The following SLC39A6 variants were observed in gnomAD, a reference collection of about 807,000 sequenced individuals.
The protein encoded by SLC39A6 is solute carrier family 39 member 6, also known as zinc transporter ZIP6.
A neutral mutation model predicts 63.5 loss-of-function variants in SLC39A6; 51 were observed. That is an observed-to-expected ratio of 0.80 (90% CI 0.64 to 1.01). The LOEUF is 1.01. Ranked by LOEUF, SLC39A6 falls within the 50% of genes least tolerant of loss-of-function variation. SLC39A6 has a pLI of 0.00. For missense variants in SLC39A6, 805 were observed against 927.8 expected (o/e 0.87, Z 1.72); for synonymous variants, 318 against 324.7 (o/e 0.98, Z 0.22).
intron 7 of SLC39A6, 137 bp downstream of exon 7, chr18:36,113,960 A>C: frequency 8.5e-7 from 1 of 1,173,204 alleles, no homozygotes; most frequent in Non-Finnish European, 1.1e-6. Flanking sequence ...TAGTAAAAGA[A>C]AAAGTAACAT....
In SLC39A6 at chr18:36,126,302, C is replaced by G. The variant is rs754177074; in HGVS notation, c.706G>C (p.Ala236Pro). 1.2e-6 allele frequency: 2 copies of G among 1,614,154 alleles called. No homozygotes were observed. The highest frequency in any genetic ancestry group is 1.6e-4 in the Middle Eastern group (1 of 6,084). ...VTSKSRVSRLAGRKTNESVSE... is the reference protein window; with the variant it reads ...VTSKSRVSRLPGRKTNESVSE... Reference sequence around the variant, plus strand: ...ACAGATTCATTTGTTTTCCTACCAGCCAGCCGGCTCACCCGGCTCTTTGAT... The same window carrying G: ...ACAGATTCATTTGTTTTCCTACCAGGCAGCCGGCTCACCCGGCTCTTTGAT... The change falls in exon 2 of 10, where the codon GCT becomes CCT. Residue 236 changes from alanine (A) to proline (P), a missense_variant. This residue lies in a region of SLC39A6 where 639 missense variants were observed against 644.0 expected (regional missense o/e 0.99). Coordinates refer to ENST00000269187, the MANE Select transcript of SLC39A6 (RefSeq NM_012319.4).
intron 7 of SLC39A6, 33 bp downstream of exon 7, chr18:36,114,060 GAATC>G (rs1434175972): frequency 6.5e-7 from 1 of 1,526,738 alleles, no homozygotes; most frequent in African/African-American, 1.4e-5. Flanking sequence ...GACATTTTCA[GAATC>G]AATCAACAAG....
At position 36,116,688 on chromosome 18, in the gene SLC39A6, A is replaced by G. The variant is rs770213820; in HGVS notation, c.1451T>C (p.Val484Ala). ...ESQLSTNEEK[V>A]DTDDRTEGYL... The stretch of plus-strand genomic sequence containing the variant: ...TAAGAACTTACGATCATCTGTATCT[A>G]CTTTCTCCTCATTTGTTGAAAGTTG... The change falls in exon 6 of 10, where the codon GTA becomes GCA. Residue 484 changes from valine to alanine, a missense_variant. Val to Ala is a moderately conservative substitution (Grantham distance 64, BLOSUM62 0). Transcript: ENST00000269187. 33 of 1,608,354 alleles carry G rather than the reference A, an allele frequency of 2.1e-5. No individual in the cohort carries two copies. The highest frequency in any genetic ancestry group is 4.0e-5 in the African/African-American group (3 of 74,798).
At position 36,109,035 on chromosome 18, in the gene SLC39A6, G is replaced by C. The variant is rs1409744063; in HGVS notation, c.*558C>G. ...AATAATCCTGACAAAAATGTTTAAT[G>C]AATGTACTCTATACTAATTCTGCCT... On this transcript the variant is annotated 3_prime_UTR_variant, in exon 10 of 10. Transcript: ENST00000269187. 6.6e-6 allele frequency: 1 copy of C among 152,140 alleles called. No individual in the cohort carries two copies. The highest frequency in any genetic ancestry group is 2.4e-5 in the African/African-American group (1 of 41,446). 9.4% of individuals were successfully genotyped at this position (152,140 alleles called of 1,614,324 possible).
chr18:36,120,153 G>A (rs1041579710), intron 5 of SLC39A6, among the ~76,000 whole-genome samples: 3 of 151,964 alleles, frequency 2.0e-5, no homozygotes, highest in Non-Finnish European at 4.4e-5. Context: ...ATGATACATG[G>A]GATCTCCCAG....
intron 5 of SLC39A6, among the ~76,000 whole-genome samples, chr18:36,121,008 T>C (rs2089389061): frequency 6.6e-6 from 1 of 152,000 alleles, no homozygotes; most frequent in South Asian, 2.1e-4. Context: ...TGAAGCAGCA[T>C]GGCTGATAAA....
intron 4 of SLC39A6, among the ~76,000 whole-genome samples, chr18:36,123,241 C>G (rs1327414682): frequency 1.3e-5 from 2 of 152,196 alleles, no homozygotes; most frequent in East Asian, 3.8e-4. Context: ...AATAGCCAGG[C>G]AGAATTTGTC....
At chr18:36,110,232 A>C (rs186446111) in intron 9 of SLC39A6, among the ~76,000 whole-genome samples, 39 of 152,156 alleles carry the variant, frequency 2.6e-4, no homozygotes, top group African/African-American at 8.4e-4. Context: ...AAAAGATATG[A>C]CTCCTTTGTT....
intron 6 of SLC39A6, among the ~76,000 whole-genome samples, chr18:36,116,441 G>A (rs1158932246): frequency 3.3e-5 from 5 of 152,132 alleles, no homozygotes; most frequent in Admixed American, 6.5e-5. Flanking sequence ...TTCTTTGTAC[G>A]ATTCTTAAAC....
At chr18:36,111,025 G>A (rs1598703997) in intron 9 of SLC39A6, 34 bp downstream of exon 9, 1 of 1,608,784 alleles carries the variant, frequency 6.2e-7, no homozygotes, top group East Asian at 2.2e-5. Context: ...TTTATTGTTG[G>A]TCAATAATGT....
chr18:36,128,256 C>G (rs76312885), intron 1 of SLC39A6, among the ~76,000 whole-genome samples: 1 of 152,162 alleles, frequency 6.6e-6, no homozygotes, highest in Admixed American at 6.5e-5. Context: ...ACTCACATCT[C>G]CAGCAAAAGA....
In SLC39A6 at chr18:36,124,578, C is replaced by G; in HGVS notation, c.912G>C (p.Leu304=). The change falls in exon 3 of 10, where the codon CTG becomes CTC. Residue 304 remains leucine, a synonymous_variant. Transcript: ENST00000269187. ...IINQIDARSC[L]IHTSEKKAEI... is the part of the protein sequence containing the mutation. ...CAGCCTTCTTTTCACTTGTATGAATCAGACAAGATCTAGCATCAATTTGGT... is the reference window on the plus strand; with the variant it reads ...CAGCCTTCTTTTCACTTGTATGAATGAGACAAGATCTAGCATCAATTTGGT... 1 of 1,584,964 alleles carries G rather than the reference C, an allele frequency of 6.3e-7. No homozygotes were observed. Among genetic ancestry groups the G allele is most frequent in the Non-Finnish European group, 8.6e-7 (1 of 1,157,252 alleles).
At position 36,123,579 on chromosome 18, in the gene SLC39A6, C is replaced by T; in HGVS notation, c.1056G>A (p.Val352=). 1 of 1,613,664 alleles carries T rather than the reference C, an allele frequency of 6.2e-7. No homozygotes were observed. Among genetic ancestry groups the T allele is most frequent in the Middle Eastern group, 1.7e-4 (1 of 6,060 alleles). Reference sequence around the variant, plus strand: ...GGAAACTCAGGAGAAATTTGAAAAACACCCGATTCATGAGAGGCACTAAGA... The same window carrying T: ...GGAAACTCAGGAGAAATTTGAAAAATACCCGATTCATGAGAGGCACTAAGA... ...GVILVPLMNR[V]FFKFLLSFLV... Residue 352 remains valine, a synonymous_variant, in exon 4 of 10, where the codon GTG becomes GTA. Transcript: ENST00000269187.
At chr18:36,121,345 T>C (rs573849488) in intron 5 of SLC39A6, among the ~76,000 whole-genome samples, 4 of 152,046 alleles carry the variant, frequency 2.6e-5, no homozygotes, top group Admixed American at 1.3e-4. Context: ...GTAGTACAGA[T>C]GGGGTTTCAC....
chr18:36,126,394 AT>A lies in SLC39A6; in HGVS notation c.613del (p.Ile205Ter). The A allele has an allele frequency of 6.2e-7, 1 of 1,614,224 alleles. No homozygotes were observed. The highest frequency in any genetic ancestry group is 2.2e-5 in the East Asian group (1 of 44,890). ...GAGTTTTCCAGGTCTTGGAGTCTCTATTGTCTCTAGAAAGTGAGTTCCTTCA... is the reference window on the plus strand; with the variant it reads ...GAGTTTTCCAGGTCTTGGAGTCTCTATGTCTCTAGAAAGTGAGTTCCTTCA... ...VSEGTHFLET[I>X]ETPRPGKLFP... is the part of the protein sequence containing the mutation. On this transcript the variant is annotated frameshift_variant, in exon 2 of 10. Transcript: ENST00000269187. LOFTEE classifies it high-confidence loss of function.
chr18:36,121,472 A>G (rs919054266), intron 5 of SLC39A6, among the ~76,000 whole-genome samples: 1 of 152,194 alleles, frequency 6.6e-6, no homozygotes, highest in African/African-American at 2.4e-5. Flanking sequence ...CATTTTTAAG[A>G]GTCTCCTGAC....
Position 36,114,311 on chromosome 18 carries a change from A to G in SLC39A6, c.1629T>C (p.His543=). The G allele has an allele frequency of 6.2e-7, 1 of 1,614,196 alleles. No individual in the cohort carries two copies. Among genetic ancestry groups the G allele is most frequent in the Non-Finnish European group, 8.5e-7 (1 of 1,180,040 alleles). The change falls in exon 7 of 10, where the codon CAT becomes CAC. Residue 543 remains histidine (H), a synonymous_variant. Coordinates refer to ENST00000269187, the MANE Select transcript of SLC39A6 (RefSeq NM_012319.4). The stretch of plus-strand genomic sequence containing the variant: ...CTGACTGGCCGAGTGTATCGTGGAA[A>G]TGTGAATGGCATTTATTCTTGCACC... ...PRGCKNKCHS[H]FHDTLGQSDD...
At chr18:36,124,494 T>C (rs1457649462) in intron 3 of SLC39A6, 26 bp downstream of exon 3, 2 of 1,467,288 alleles carry the variant, frequency 1.4e-6, no homozygotes, top group East Asian at 4.6e-5. Flanking sequence ...ACTGAAATTG[T>C]TTTTACATAA....
chr18:36,126,285 A>C lies in SLC39A6; in HGVS notation c.723T>G (p.Asn241Lys). 1.2e-6 allele frequency: 2 copies of C among 1,614,160 alleles called. No individual in the cohort carries two copies. The highest frequency in any genetic ancestry group is 2.2e-5 in the East Asian group (1 of 44,884). The change falls in exon 2 of 10, where the codon AAT becomes AAG. Residue 241 changes from asparagine (N) to lysine (K), a missense_variant. By Grantham distance (94) the Asn-to-Lys change is moderately conservative. Transcript: ENST00000269187. The stretch of plus-strand genomic sequence containing the variant: ...CTTTTCGGGGCTCACTCACAGATTC[A>C]TTTGTTTTCCTACCAGCCAGCCGGC... Reference protein sequence around the residue: ...RVSRLAGRKTNESVSEPRKGF... With the variant: ...RVSRLAGRKTKESVSEPRKGF...
Sources: allele counts gnomAD v4.1 joint callset (sites outside exome capture counted in the v4.1 genomes callset), GRCh38; gene constraint gnomAD v4.1.1; regional missense constraint gnomAD v4.1.1; transcripts MANE v1.5; gene names NCBI Gene and HGNC (gene_info 2026-07-23, HGNC 2026-07-21).